ZC2HC1A: variants seen among roughly 807,000 people sequenced by gnomAD.
The protein encoded by ZC2HC1A is zinc finger C2HC domain-containing protein 1A.
In ZC2HC1A, 28 loss-of-function variants were observed where a neutral mutation model predicts 40.7. That is an observed-to-expected ratio of 0.69 (90% CI 0.51 to 0.94). ZC2HC1A has a LOEUF of 0.94. ZC2HC1A is among the 40% of genes least tolerant of loss of function. ZC2HC1A has a pLI of 0.00. For missense variants in ZC2HC1A, 389 were observed against 386.3 expected (o/e 1.01, Z -0.06); for synonymous variants, 129 against 129.2 (o/e 1.00, Z 0.01).
intron 3 of ZC2HC1A, chr8:78,685,825 T>G (rs538954429): frequency 1.3e-5 from 2 of 152,366 alleles, no homozygotes; most frequent in East Asian, 1.9e-4. Context: ...TAGTCTCTTT[T>G]CTGCTGCTGT....
chr8:78,704,703 T>TG (rs1244279043), intron 7 of ZC2HC1A, among the ~76,000 whole-genome samples: 1 of 152,216 alleles, frequency 6.6e-6, no homozygotes, highest in Non-Finnish European at 1.5e-5. Flanking sequence ...TTCAAATTGG[T>TG]GCCATTCTCC....
intron 5 of ZC2HC1A, among the ~76,000 whole-genome samples, chr8:78,692,100 G>A (rs1473410307): frequency 6.6e-6 from 1 of 152,010 alleles, no homozygotes; most frequent in Non-Finnish European, 1.5e-5. Flanking sequence ...ATCATTTACT[G>A]TATTCACCAT....
rs958570864 is a variant in ZC2HC1A at position 78,718,752 on chromosome 8, T to C, written c.*1259T>C. On this transcript the variant is annotated 3_prime_UTR_variant, in exon 9 of 9. Coordinates refer to ENST00000263849, the MANE Select transcript of ZC2HC1A (RefSeq NM_016010.3). ...CATTGTCACTTTCAGTATATCATAG[T>C]AGTTAGTAGTAGATTGCCTTGATGG... 6.6e-6 allele frequency: 1 copy of C among 151,974 alleles called. No individual in the cohort carries two copies. The highest frequency in any genetic ancestry group is 6.5e-5 in the Admixed American group (1 of 15,272). 9.4% of individuals were successfully genotyped at this position (151,974 alleles called of 1,614,324 possible). A position where few individuals can be genotyped will look rare whatever the true frequency, so the allele number is the denominator to read the frequency against.
At position 78,717,412 on chromosome 8, in the gene ZC2HC1A, C is replaced by A; in HGVS notation, c.897C>A (p.Phe299Leu). The A allele has an allele frequency of 6.2e-7, 1 of 1,613,200 alleles. No individual in the cohort carries two copies. The highest frequency in any genetic ancestry group is 8.5e-7 in the Non-Finnish European group (1 of 1,179,818). The change falls in exon 9 of 9, where the codon TTC becomes TTA. Residue 299 changes from phenylalanine (F) to leucine (L), a missense_variant. By Grantham distance (22) the Phe-to-Leu change is conservative. Transcript: ENST00000263849. ...ATTCACCTGGAAACTTACCAAAATT[C>A]TGCCATGAGTGTGGGACTAAATACC... ...EGHSPGNLPK[F>L]CHECGTKYPV...
At position 78,718,402 on chromosome 8, in the gene ZC2HC1A, GAATA is replaced by G. The variant is rs1404944528; in HGVS notation, c.*913_*916del. The G allele has an allele frequency of 1.3e-5, 2 of 151,860 alleles. No individual in the cohort carries two copies. The highest frequency in any genetic ancestry group is 4.8e-5 in the African/African-American group (2 of 41,412). 9.4% of individuals were successfully genotyped at this position (151,860 alleles called of 1,614,324 possible). A position where few individuals can be genotyped will look rare whatever the true frequency, so the allele number is the denominator to read the frequency against. On this transcript the variant is annotated 3_prime_UTR_variant, in exon 9 of 9. Transcript: ENST00000263849. ...ATATAATTTTTTGTATCTGAATTTA[GAATA>G]AATCATTTTAATGCATCTTAAATCA...
chr8:78,685,037 TAATAA>T (rs1809920294), intron 3 of ZC2HC1A, among the ~76,000 whole-genome samples: 2 of 152,150 alleles, frequency 1.3e-5, no homozygotes, highest in African/African-American at 4.8e-5. Context: ...TAAAAAAGCT[TAATAA>T]AATATTAGCC....
chr8:78,677,913 C>A (rs535248374), intron 2 of ZC2HC1A, among the ~76,000 whole-genome samples: 7 of 152,276 alleles, frequency 4.6e-5, no homozygotes, highest in African/African-American at 1.7e-4. Flanking sequence ...ATGGTTATTT[C>A]TTGATGATAT....
chr8:78,714,006 C>A (rs1043554351), intron 7 of ZC2HC1A, among the ~76,000 whole-genome samples: 2 of 152,128 alleles, frequency 1.3e-5, no homozygotes, highest in Admixed American at 6.5e-5. Flanking sequence ...AGGGTACTCT[C>A]TCCTACTTTG....
chr8:78,695,914 A>T (rs985612511), intron 5 of ZC2HC1A, among the ~76,000 whole-genome samples: 4 of 152,206 alleles, frequency 2.6e-5, no homozygotes, highest in Non-Finnish European at 4.4e-5. Context: ...GAAGGATATA[A>T]TGTTTGACTT....
intron 4 of ZC2HC1A, among the ~76,000 whole-genome samples, chr8:78,687,332 A>T (rs953111671): frequency 8.6e-5 from 13 of 151,542 alleles, no homozygotes; most frequent in African/African-American, 3.1e-4. Flanking sequence ...GCAAATCTAG[A>T]TATGATCGTT....
intron 7 of ZC2HC1A, among the ~76,000 whole-genome samples, chr8:78,705,160 G>T (rs924989010): frequency 3.3e-5 from 5 of 152,194 alleles, no homozygotes; most frequent in Non-Finnish European, 7.3e-5. Context: ...ATTCCTGTTG[G>T]AGAGGTGATG....
At position 78,687,058 on chromosome 8, in the gene ZC2HC1A, T is replaced by G. The variant is rs1222733516; in HGVS notation, c.352+450T>G. On this transcript the variant is annotated intron_variant, in intron 4 of 8. Transcript: ENST00000263849. ...AATTCATGTGGCTCGACTACATTTATGGCTTAAATTTGTATATTGTTAAAT... is the reference window on the plus strand; with the variant it reads ...AATTCATGTGGCTCGACTACATTTAGGGCTTAAATTTGTATATTGTTAAAT... 3.3e-5 allele frequency among the ~76,000 whole-genome samples: 5 copies of G among 152,166 alleles called. No homozygotes were observed. The East Asian group carries it at 9.6e-4, about 29-fold the overall frequency.
At chr8:78,671,985 T>C (rs919241978) in intron 1 of ZC2HC1A, among the ~76,000 whole-genome samples, 4 of 152,170 alleles carry the variant, frequency 2.6e-5, no homozygotes, top group African/African-American at 9.6e-5. Flanking sequence ...TAACTTAACT[T>C]CCTTATTTTA....
intron 3 of ZC2HC1A, among the ~76,000 whole-genome samples, chr8:78,683,253 C>T (rs1809848843): frequency 6.6e-6 from 1 of 152,248 alleles, no homozygotes; most frequent in African/African-American, 2.4e-5. Flanking sequence ...GGACTCCAAT[C>T]TCTTATTTCC....
At chr8:78,682,435 C>A (rs577790210) in intron 3 of ZC2HC1A, among the ~76,000 whole-genome samples, 17 of 152,112 alleles carry the variant, frequency 1.1e-4, no homozygotes, top group African/African-American at 4.1e-4. Context: ...GAAGAAGGAA[C>A]AAAGTCACAT....
intron 1 of ZC2HC1A, among the ~76,000 whole-genome samples, chr8:78,675,466 A>G (rs901188938): frequency 1.3e-5 from 2 of 152,016 alleles, no homozygotes; most frequent in Admixed American, 6.6e-5. Flanking sequence ...GTAGTAATTT[A>G]CCATAGAGAT....
intron 2 of ZC2HC1A, among the ~76,000 whole-genome samples, chr8:78,676,669 A>G (rs766138714): frequency 2.4e-4 from 37 of 152,148 alleles, no homozygotes; most frequent in Admixed American, 1.6e-3. Flanking sequence ...TGAGGAATTA[A>G]TGATCCAAAG....
chr8:78,702,266 T>G (rs1207022356), intron 7 of ZC2HC1A, among the ~76,000 whole-genome samples: 1 of 152,224 alleles, frequency 6.6e-6, no homozygotes, highest in African/African-American at 2.4e-5. Flanking sequence ...ATTGAGGTAT[T>G]CATAATATTC....
intron 3 of ZC2HC1A, 105 bp from the exon 4 acceptor site, chr8:78,686,362 T>A: frequency 1.0e-6 from 1 of 1,001,050 alleles, no homozygotes; most frequent in Non-Finnish European, 1.3e-6. Flanking sequence ...GGACTCCTGA[T>A]AAGAGAACAT....
Sources: allele counts gnomAD v4.1 joint callset (sites outside exome capture counted in the v4.1 genomes callset), GRCh38; gene constraint gnomAD v4.1.1; transcripts MANE v1.5; gene names NCBI Gene and HGNC (gene_info 2026-07-23, HGNC 2026-07-21).